Variants in LRP8 observed in about 807,000 individuals in gnomAD.
LRP8 encodes the protein LDL receptor related protein 8.
LRP8 carries 46 observed loss-of-function variants against 111.6 expected under a neutral mutation model. The ratio of observed to expected loss-of-function variants is 0.41; its 90% CI spans 0.33 to 0.53. LRP8 has a LOEUF of 0.53. Ranked by LOEUF, LRP8 falls within the 20% of genes least tolerant of loss-of-function variation. LRP8 has a pLI of 0.20. For missense variants in LRP8, 959 were observed against 1,297.4 expected, an observed-to-expected ratio of 0.74 and a Z score of 4.01; for synonymous variants, 464 against 511.2, an observed-to-expected ratio of 0.91 and a Z score of 1.24.
Position 53,326,932 on chromosome 1 carries a change from G to C in LRP8, c.185C>G (p.Ser62Cys). The change falls in exon 2 of 19, where the codon TCT becomes TGT. Residue 62 changes from serine to cysteine, a missense_variant. Physicochemically the swap from Ser to Cys is moderately radical, Grantham distance 112. Around this residue, in one of 3 missense-constraint regions of LRP8, gnomAD observed 97 missense variants for 107.5 expected, o/e 0.90. Coordinates refer to ENST00000306052, the MANE Select transcript of LRP8 (RefSeq NM_004631.5). The stretch of plus-strand genomic sequence containing the variant: ...ATCGTCCTCGTCGCATCTCCACACA[G>C]AGGGGATGCAGCGCTCGTTCCGGCA... The part of the protein sequence containing the change: ...FQCRNERCIP[S>C]VWRCDEDDDC... The C allele has an allele frequency of 6.2e-7, 1 of 1,613,966 alleles. No individual in the cohort carries two copies. The highest frequency in any genetic ancestry group is 8.5e-7 in the Non-Finnish European group (1 of 1,179,998).
In LRP8 at chr1:53,327,071, G is replaced by A. The variant is rs561768697; in HGVS notation, c.125-79C>T. 12 of 1,563,744 alleles carry A rather than the reference G, an allele frequency of 7.7e-6. No homozygotes were observed. In the African/African-American group the frequency reaches 1.5e-4, roughly 20 times the overall value. On this transcript the variant is annotated intron_variant, in intron 1 of 18. Transcript: ENST00000306052. ...CCATGCAGTCCGGGCCACCCGGAAG[G>A]ACCCGCTGGGGAGGAGGAAAGGGGG...
At chr1:53,286,200 A>G (rs1007796816) in intron 3 of LRP8, among the ~76,000 whole-genome samples, 1 of 152,144 alleles carries the variant, frequency 6.6e-6, no homozygotes, top group Non-Finnish European at 1.5e-5. Context: ...GTGTCACTCA[A>G]TCCACAGGAA....
intron 1 of LRP8, 84 bp downstream of exon 1, chr1:53,327,705 A>G: frequency 7.4e-7 from 1 of 1,343,596 alleles, no homozygotes. Flanking sequence ...CGGGTTCTGG[A>G]CCCCTCCCCG....
At chr1:53,295,704 A>G (rs1649581461) in intron 2 of LRP8, among the ~76,000 whole-genome samples, 1 of 152,228 alleles carries the variant, frequency 6.6e-6, no homozygotes. Flanking sequence ...CATGATGCCC[A>G]CGGTTTATAA....
chr1:53,277,401 A>G (rs1646961280), intron 4 of LRP8, among the ~76,000 whole-genome samples: 1 of 152,182 alleles, frequency 6.6e-6, no homozygotes, highest in Non-Finnish European at 1.5e-5. Flanking sequence ...GTCCCAGGAC[A>G]TGATCTGTTA....
At chr1:53,305,948 CA>C (rs1419437850) in intron 2 of LRP8, 4 of 152,408 alleles carry the variant, frequency 2.6e-5, no homozygotes, top group South Asian at 2.1e-4. Context: ...CCCAGACTGC[CA>C]GGGGGCCAGG....
rs1267589495 is a variant in LRP8 at position 53,242,901 on chromosome 1, G to A, written c.*4117C>T. On this transcript the variant is annotated 3_prime_UTR_variant, in exon 19 of 19. Transcript: ENST00000306052. ...GCTTTTTAAAAATTACTTTTTTATAGCACAAAGTGTTTGTAAATGCAGAGG... is the reference window on the plus strand; with the variant it reads ...GCTTTTTAAAAATTACTTTTTTATAACACAAAGTGTTTGTAAATGCAGAGG... 2.0e-5 allele frequency: 3 copies of A among 149,028 alleles called. No individual in the cohort carries two copies. In the East Asian group the frequency reaches 6.0e-4, roughly 30 times the overall value. The allele number at this position is 149,028 out of a possible 1,614,324, so 9.2% of individuals were successfully genotyped here. A position where few individuals can be genotyped will look rare whatever the true frequency, so the allele number is the denominator to read the frequency against.
chr1:53,248,972 G>A (rs1645809936), intron 18 of LRP8, among the ~76,000 whole-genome samples: 1 of 152,232 alleles, frequency 6.6e-6, no homozygotes, highest in African/African-American at 2.4e-5. Flanking sequence ...CAGGGCAGTG[G>A]AAGGATGGAA....
rs142125661 is a variant in LRP8 at position 53,264,098 on chromosome 1, G to A, written c.1655+71C>T. ...AGAGCTTTCTAGAACCCTCAAGATAGCCCTTGTGACAGACACAAGAGGACT... is the reference window on the plus strand; with the variant it reads ...AGAGCTTTCTAGAACCCTCAAGATAACCCTTGTGACAGACACAAGAGGACT... On this transcript the variant is annotated intron_variant, in intron 10 of 18. Transcript: ENST00000306052. 4.2e-5 allele frequency: 60 copies of A among 1,422,386 alleles called. No individual in the cohort carries two copies. The East Asian group carries it at 1.3e-3, about 30-fold the overall frequency. 88.1% of individuals were successfully genotyped at this position (1,422,386 alleles called of 1,614,324 possible).
intron 3 of LRP8, among the ~76,000 whole-genome samples, chr1:53,286,245 G>T (rs1458387666): frequency 2.0e-5 from 3 of 152,300 alleles, no homozygotes; most frequent in East Asian, 3.9e-4. Flanking sequence ...GCAGAAGGGG[G>T]AGTTACACCA....
In LRP8 at chr1:53,289,508, G is replaced by A. The variant is rs1023089565; in HGVS notation, c.367+59C>T. 2.0e-5 allele frequency: 31 copies of A among 1,546,254 alleles called. No homozygotes were observed. In the Admixed American group the frequency reaches 5.6e-4, roughly 28 times the overall value. On this transcript the variant is annotated intron_variant, in intron 3 of 18. Transcript: ENST00000306052. ...TCTCCTGAGCCTCACAGCCTCTCAAGGAAGATCTGAGGAGGAAACTGAGGC... is the reference window on the plus strand; with the variant it reads ...TCTCCTGAGCCTCACAGCCTCTCAAAGAAGATCTGAGGAGGAAACTGAGGC...
chr1:53,265,593 T>A (rs7528745), intron 9 of LRP8, among the ~76,000 whole-genome samples: 59,321 of 152,076 alleles, frequency 0.39, 12,283 homozygotes, highest in East Asian at 0.7. Flanking sequence ...TTCAGTTACA[T>A]CTCTTGGACA....
chr1:53,277,450 TGGCTCCTC>T (rs763750647), intron 4 of LRP8, among the ~76,000 whole-genome samples: 118 of 152,310 alleles, frequency 7.7e-4, no homozygotes, highest in Non-Finnish European at 1.2e-3. Context: ...GGTCTGGGGT[TGGCTCCTC>T]ATAGCATAGC....
At chr1:53,322,868 C>A (rs1654694273) in intron 2 of LRP8, among the ~76,000 whole-genome samples, 1 of 152,178 alleles carries the variant, frequency 6.6e-6, no homozygotes, top group South Asian at 2.1e-4. Flanking sequence ...AGACTCAGCA[C>A]TCCTGCAGCC....
At chr1:53,300,461 C>T (rs1650601323) in intron 2 of LRP8, among the ~76,000 whole-genome samples, 1 of 152,212 alleles carries the variant, frequency 6.6e-6, no homozygotes, top group African/African-American at 2.4e-5. Context: ...CTCGAGTCTC[C>T]ATGGGGTGCT....
chr1:53,302,356 C>T (rs1281695689), intron 2 of LRP8, among the ~76,000 whole-genome samples: 3 of 152,122 alleles, frequency 2.0e-5, no homozygotes, highest in Non-Finnish European at 4.4e-5. Context: ...ACAACCCCCA[C>T]CCAACAAGCA....
chr1:53,320,248 G>A (rs1200333068), intron 2 of LRP8, among the ~76,000 whole-genome samples: 1 of 152,238 alleles, frequency 6.6e-6, no homozygotes, highest in Non-Finnish European at 1.5e-5. Context: ...CCAGTCAGGA[G>A]CCCAAAGCCC....
intron 2 of LRP8, chr1:53,305,938 C>T (rs530762704): frequency 6.6e-6 from 1 of 152,424 alleles, no homozygotes; most frequent in African/African-American, 2.4e-5. Context: ...TCTTATGAGG[C>T]CCAGACTGCC....
At chr1:53,253,502 C>T (rs115146168) in intron 16 of LRP8, among the ~76,000 whole-genome samples, 1 of 152,182 alleles carries the variant, frequency 6.6e-6, no homozygotes, top group African/African-American at 2.4e-5. Context: ...AAAATATACT[C>T]TACCTCACAG....
Sources: gnomAD v4.1 joint callset for allele counts (sites outside exome capture counted in the v4.1 genomes callset) on GRCh38, gnomAD v4.1.1 for gene constraint, gnomAD v4.1.1 regional missense constraint, MANE v1.5 for transcripts, NCBI Gene and HGNC (gene_info 2026-07-23, HGNC 2026-07-21) for gene names.